The following TUSC3 variants were observed in gnomAD, a reference collection of about 807,000 sequenced individuals.
TUSC3 encodes the protein tumor suppressor candidate 3, also known as dolichyl-diphosphooligosaccharide--protein glycosyltransferase subunit TUSC3.
Under a neutral mutation model 44.8 loss-of-function variants are expected in TUSC3, and 45 were observed. The observed-to-expected ratio is 1.00, with a 90% CI of 0.79 to 1.29. The LOEUF is 1.29. Ranked by LOEUF, TUSC3 falls within the 50% of genes most tolerant of loss-of-function variation. TUSC3 has a pLI of 0.00. For missense variants in TUSC3, 519 were observed against 437.9 expected (o/e 1.19, Z -1.65); for synonymous variants, 212 against 152.9 (o/e 1.39, Z -2.85).
the TUSC3 span, among the ~76,000 whole-genome samples, chr8:15,836,444 T>C: frequency 6.7e-6 from 1 of 148,622 alleles, no homozygotes; most frequent in Admixed American, 6.8e-5. Flanking sequence ...ACCACCGCAC[T>C]CCAGCCTGGG....
intron 1 of TUSC3, among the ~76,000 whole-genome samples, chr8:15,454,914 T>G (rs2129120901): frequency 6.6e-6 from 1 of 152,252 alleles, no homozygotes; most frequent in South Asian, 2.1e-4. Flanking sequence ...AGTTTAAAAT[T>G]TTATAATACA....
At chr8:15,569,157 CTT>C (rs1172674612) in intron 1 of TUSC3, among the ~76,000 whole-genome samples, 2 of 152,028 alleles carry the variant, frequency 1.3e-5, no homozygotes, top group African/African-American at 4.8e-5. Flanking sequence ...TATTTATAGT[CTT>C]ATAATTGTTG....
chr8:15,484,492 A>T (rs1365995162), intron 2 of TUSC3, among the ~76,000 whole-genome samples: 1 of 152,254 alleles, frequency 6.6e-6, no homozygotes, highest in Non-Finnish European at 1.5e-5. Context: ...GTACGAAATA[A>T]TCCCATAAAA....
intron 2 of TUSC3, among the ~76,000 whole-genome samples, chr8:15,492,849 T>C (rs1222462118): frequency 1.3e-5 from 2 of 152,048 alleles, no homozygotes; most frequent in Non-Finnish European, 2.9e-5. Context: ...TTTGCATATA[T>C]AGAATATGCA....
intron 2 of TUSC3, among the ~76,000 whole-genome samples, chr8:15,504,614 TATA>T (rs1273071768): frequency 1.4e-4 from 4 of 27,596 alleles, no homozygotes; most frequent in African/African-American, 1.1e-3. Context: ...TATATATATA[TATA>T]TATATTTTTT....
At chr8:15,439,478 G>A (rs1212039149) in intron 1 of TUSC3, among the ~76,000 whole-genome samples, 1 of 152,148 alleles carries the variant, frequency 6.6e-6, no homozygotes, top group African/African-American at 2.4e-5. Context: ...GATCACTTGA[G>A]CCTAGGAGGT....
At chr8:15,428,851 T>G (rs965316548) in intron 1 of TUSC3, among the ~76,000 whole-genome samples, 3 of 152,186 alleles carry the variant, frequency 2.0e-5, no homozygotes, top group African/African-American at 7.2e-5. Flanking sequence ...TTTGAGTTCA[T>G]TGTAGATTCT....
At chr8:15,698,900 C>A (rs987814001) in intron 6 of TUSC3, among the ~76,000 whole-genome samples, 1 of 149,752 alleles carries the variant, frequency 6.7e-6, no homozygotes, top group African/African-American at 2.5e-5. Context: ...GGCTGGAGTT[C>A]AGTGGCGTGA....
At chr8:15,467,330 A>G (rs559514184) in intron 1 of TUSC3, among the ~76,000 whole-genome samples, 1 of 152,004 alleles carries the variant, frequency 6.6e-6, no homozygotes, top group Non-Finnish European at 1.5e-5. Flanking sequence ...TTCTCTCACA[A>G]TAATCCTCCT....
chr8:15,664,286 A>G (rs1371820962), intron 5 of TUSC3, among the ~76,000 whole-genome samples: 1 of 151,602 alleles, frequency 6.6e-6, no homozygotes, highest in Non-Finnish European at 1.5e-5. Context: ...TTAAATCTGG[A>G]CATGTGTCTT....
chr8:15,725,648 C>G (rs1432829004), intron 6 of TUSC3, among the ~76,000 whole-genome samples: 1 of 152,066 alleles, frequency 6.6e-6, no homozygotes, highest in African/African-American at 2.4e-5. Context: ...CATTTATTGG[C>G]TTCCTGCTGT....
In TUSC3 at chr8:15,750,670, A is replaced by ATAGATAT. The variant is rs574639248; in HGVS notation, c.1028+2206_1028+2212dup. On this transcript the variant is annotated intron_variant, in intron 9 of 10. Transcript: ENST00000503731. ...GAAAATACATATCCTTGGCCTCACC[A>ATAGATAT]TAGATATAAATAGTAAGCACATCTG... Among the ~76,000 whole-genome samples the ATAGATAT allele has an allele frequency of 7.2e-5, 11 of 152,248 alleles. No individual in the cohort carries two copies. The East Asian group carries it at 2.1e-3, about 29-fold the overall frequency.
At position 15,639,866 on chromosome 8, in the gene TUSC3, GTGATAGGT is replaced by G. The variant is rs572112008; in HGVS notation, c.309-10828_309-10821del. On this transcript the variant is annotated intron_variant, in intron 2 of 10. Transcript: ENST00000503731. ...ACCACTTCAGATATAGTCCTTTCTT[GTGATAGGT>G]TGTTGTCTTTGTCACCATAATACAG... Among the ~76,000 whole-genome samples, 48 of 142,508 alleles carry G rather than the reference GTGATAGGT, an allele frequency of 3.4e-4. 1 individual carries two copies. In the East Asian group the frequency reaches 7.5e-3, roughly 22 times the overall value. The allele number at this position is 142,508 out of a possible 152,430, so 93.5% of individuals were successfully genotyped here. A position where few individuals can be genotyped will look rare whatever the true frequency, so the allele number is the denominator to read the frequency against.
intron 1 of TUSC3, among the ~76,000 whole-genome samples, chr8:15,609,236 A>G (rs1390869477): frequency 6.6e-6 from 1 of 152,186 alleles, no homozygotes; most frequent in Non-Finnish European, 1.5e-5. Flanking sequence ...GCTGTGACAC[A>G]TAATATGTGG....
At chr8:15,625,002 G>C (rs548134075) in intron 2 of TUSC3, among the ~76,000 whole-genome samples, 5 of 151,964 alleles carry the variant, frequency 3.3e-5, no homozygotes, top group African/African-American at 4.8e-5. Flanking sequence ...GTTTTTTATA[G>C]GTGGTATTTA....
chr8:15,455,014 G>A (rs1800237460), intron 1 of TUSC3, among the ~76,000 whole-genome samples: 2 of 152,134 alleles, frequency 1.3e-5, no homozygotes, highest in Non-Finnish European at 2.9e-5. Flanking sequence ...GGAATCTTAG[G>A]GGTTGGAGGG....
Position 15,489,372 on chromosome 8 carries a change from G to T in TUSC3, n.189+5889G>T, listed in dbSNP as rs192105905. ...TGGAAACCAAGGTTCTTATTATGCAGATGAAGTCTCACAGATGGCCACCCT... is the reference window on the plus strand; with the variant it reads ...TGGAAACCAAGGTTCTTATTATGCATATGAAGTCTCACAGATGGCCACCCT... On this transcript the variant is annotated intron_variant and non_coding_transcript_variant, in intron 2 of 5. Transcript: ENST00000503191. Among the ~76,000 whole-genome samples the T allele has an allele frequency of 3.6e-3, 543 of 152,278 alleles. 2 individuals are homozygous for T. Among genetic ancestry groups the T allele is most frequent in the Non-Finnish European group, 6.2e-3 (420 of 68,022 alleles).
At chr8:15,418,781 G>T (rs1226690007) in intron 1 of TUSC3, among the ~76,000 whole-genome samples, 1 of 152,184 alleles carries the variant, frequency 6.6e-6, no homozygotes, top group African/African-American at 2.4e-5. Context: ...CAAGGCAGGA[G>T]GATTGCTTGA....
chr8:15,671,998 A>G (rs1001412871), intron 5 of TUSC3, among the ~76,000 whole-genome samples: 1 of 152,012 alleles, frequency 6.6e-6, no homozygotes, highest in Non-Finnish European at 1.5e-5. Flanking sequence ...AGTAAAATAA[A>G]CTGGAAAGGT....
Sources: gnomAD v4.1 joint callset for allele counts (sites outside exome capture counted in the v4.1 genomes callset) on GRCh38, gnomAD v4.1.1 for gene constraint, MANE v1.5 for transcripts, NCBI Gene and HGNC (gene_info 2026-07-23, HGNC 2026-07-21) for gene names.